Variants in PAWR observed in about 807,000 individuals in gnomAD.
PAWR encodes the protein pro-apoptotic WT1 regulator.
In PAWR, 23 loss-of-function variants were observed where a neutral mutation model predicts 32.0. The ratio of observed to expected loss-of-function variants is 0.72; its 90% CI spans 0.52 to 1.02. The LOEUF is 1.02. Among genes scored for constraint, PAWR ranks in the 50% least tolerant of loss-of-function variants. The pLI, the probability that PAWR is intolerant of heterozygous loss-of-function variation, is 0.00. For missense variants in PAWR, 457 were observed against 437.7 expected, an observed-to-expected ratio of 1.04 and a Z score of -0.39; for synonymous variants, 226 against 187.1, an observed-to-expected ratio of 1.21 and a Z score of -1.70.
intron 6 of PAWR, among the ~76,000 whole-genome samples, 198 bp from the exon 7 acceptor site, chr12:79,592,891 T>G (rs748543679): frequency 3.3e-5 from 5 of 152,196 alleles, no homozygotes; most frequent in Non-Finnish European, 7.4e-5. Flanking sequence ...ACAACAAGTG[T>G]ATAGGCCAAC....
chr12:79,599,693 G>A (rs1873888505), intron 4 of PAWR, among the ~76,000 whole-genome samples: 1 of 152,206 alleles, frequency 6.6e-6, no homozygotes, highest in South Asian at 2.1e-4. Context: ...TTGTCTGAGA[G>A]TTAGTCTTCG....
intron 3 of PAWR, among the ~76,000 whole-genome samples, chr12:79,617,152 G>A (rs981649860): frequency 6.6e-6 from 1 of 152,156 alleles, no homozygotes; most frequent in African/African-American, 2.4e-5. Context: ...AAGGTCGGGA[G>A]ACCAGCCTGG....
At chr12:79,608,185 G>C (rs1287462806) in intron 4 of PAWR, among the ~76,000 whole-genome samples, 1 of 152,040 alleles carries the variant, frequency 6.6e-6, no homozygotes, top group African/African-American at 2.4e-5. Flanking sequence ...GGTTCTAGTC[G>C]GTTTCTTATG....
At chr12:79,640,493 C>G (rs369863157) in intron 2 of PAWR, among the ~76,000 whole-genome samples, 1 of 152,150 alleles carries the variant, frequency 6.6e-6, no homozygotes, top group Non-Finnish European at 1.5e-5. Context: ...ATAATCCCAG[C>G]ACTTTGGGAG....
intron 2 of PAWR, among the ~76,000 whole-genome samples, chr12:79,640,390 C>G (rs1202928051): frequency 6.6e-6 from 1 of 152,092 alleles, no homozygotes. Flanking sequence ...TACTACAACC[C>G]AAGTAGGCAA....
intron 2 of PAWR, among the ~76,000 whole-genome samples, chr12:79,689,524 G>A (rs145200260): frequency 1.3e-3 from 196 of 152,310 alleles, no homozygotes; most frequent in African/African-American, 4.6e-3. Flanking sequence ...TGAAAAGCAC[G>A]TGTCCTACTC....
At chr12:79,621,603 T>TATAG (rs1218665626) in intron 2 of PAWR, among the ~76,000 whole-genome samples, 2 of 152,106 alleles carry the variant, frequency 1.3e-5, no homozygotes, top group Admixed American at 6.6e-5. Context: ...AATACATATA[T>TATAG]ATAGATAGAT....
intron 3 of PAWR, among the ~76,000 whole-genome samples, chr12:79,618,282 C>T (rs942866717): frequency 1.3e-5 from 2 of 152,058 alleles, no homozygotes; most frequent in Admixed American, 6.6e-5. Flanking sequence ...GTGAACACCA[C>T]CATGCTCAGC....
chr12:79,617,930 G>A (rs573378209), intron 3 of PAWR, among the ~76,000 whole-genome samples: 2 of 152,214 alleles, frequency 1.3e-5, no homozygotes, highest in African/African-American at 2.4e-5. Flanking sequence ...GCCTGCTTCC[G>A]CTTTGCTTTC....
chr12:79,602,802 C>T (rs1874015497), intron 4 of PAWR, among the ~76,000 whole-genome samples: 1 of 139,598 alleles, frequency 7.2e-6, no homozygotes, highest in Admixed American at 7.6e-5. Flanking sequence ...AGAGACGTGT[C>T]ACTATGTTGA....
At chr12:79,667,828 A>T (rs774546776) in intron 2 of PAWR, among the ~76,000 whole-genome samples, 2 of 152,238 alleles carry the variant, frequency 1.3e-5, no homozygotes, top group Non-Finnish European at 2.9e-5. Flanking sequence ...AATTAAAAAT[A>T]ACTGAAGCTA....
intron 4 of PAWR, among the ~76,000 whole-genome samples, chr12:79,609,384 G>A (rs1874335688): frequency 6.6e-6 from 1 of 152,130 alleles, no homozygotes; most frequent in Non-Finnish European, 1.5e-5. Context: ...ACAGGAGGCA[G>A]GAAAATTCTG....
chr12:79,613,991 T>C, intron 3 of PAWR, among the ~76,000 whole-genome samples: 1 of 5,574 alleles, frequency 1.8e-4, no homozygotes, highest in Admixed American at 2.4e-3. Context: ...TTTTTTTTTT[T>C]TTTTTTTTTT....
intron 2 of PAWR, among the ~76,000 whole-genome samples, chr12:79,635,280 T>C (rs1203232545): frequency 6.6e-6 from 1 of 152,124 alleles, no homozygotes. Context: ...GGCAAGTCTC[T>C]ACTTTGGCCA....
At chr12:79,639,997 T>C (rs1164363785) in intron 2 of PAWR, among the ~76,000 whole-genome samples, 1 of 151,918 alleles carries the variant, frequency 6.6e-6, no homozygotes, top group Non-Finnish European at 1.5e-5. Flanking sequence ...CACCACCTCC[T>C]GGGTTCAAGT....
At chr12:79,642,268 C>T (rs904110364) in intron 2 of PAWR, among the ~76,000 whole-genome samples, 1 of 152,098 alleles carries the variant, frequency 6.6e-6, no homozygotes, top group African/African-American at 2.4e-5. Context: ...TGGAAGAAAT[C>T]AAAGACTTGA....
intron 4 of PAWR, among the ~76,000 whole-genome samples, chr12:79,601,618 AT>A (rs1179671647): frequency 6.6e-6 from 1 of 152,206 alleles, no homozygotes; most frequent in Non-Finnish European, 1.5e-5. Flanking sequence ...AGGATTTACA[AT>A]ATGACAATAT....
intron 2 of PAWR, among the ~76,000 whole-genome samples, chr12:79,686,132 A>G (rs553735509): frequency 1.3e-5 from 2 of 152,208 alleles, no homozygotes; most frequent in Non-Finnish European, 2.9e-5. Flanking sequence ...GTTAACTTTT[A>G]TACTTAAACC....
intron 2 of PAWR, among the ~76,000 whole-genome samples, chr12:79,664,688 T>C (rs1877521182): frequency 6.8e-6 from 1 of 148,140 alleles, no homozygotes; most frequent in Admixed American, 6.7e-5. Flanking sequence ...GAGAGTGGTC[T>C]TGCTATGTTG....
Sources: allele counts gnomAD v4.1 joint callset (sites outside exome capture counted in the v4.1 genomes callset), GRCh38; gene constraint gnomAD v4.1.1; transcripts MANE v1.5; gene names NCBI Gene and HGNC (gene_info 2026-07-23, HGNC 2026-07-21).